GTF3C1: variants seen among roughly 807,000 people sequenced by gnomAD.
GTF3C1 encodes general transcription factor 3C polypeptide 1.
GTF3C1 carries 57 observed loss-of-function variants against 226.7 expected under a neutral mutation model. That is an observed-to-expected ratio of 0.25 (90% confidence interval 0.20 to 0.31). GTF3C1 has a LOEUF of 0.31. Among genes scored for constraint, GTF3C1 ranks in the 10% least tolerant of loss-of-function variants. The pLI is 1.00. For synonymous variants in GTF3C1, 1,090 were observed against 1,084.8 expected (o/e 1.00, Z -0.09); for missense variants, 2,217 against 2,776.1 (o/e 0.80, Z 4.53).
chr16:27,471,257 C>T lies in GTF3C1; in HGVS notation c.4526+491G>A, dbSNP rs967166973. On this transcript the variant is annotated intron_variant, in intron 30 of 36. Transcript: ENST00000356183. The surrounding 1 kb of genome is among the most constrained non-coding windows in gnomAD (Gnocchi z 5.0). ...TGGTCAGGAGGCTGGTGGTGCAACG[C>T]CCTCTGCGGCATGAAGCCACACTGC... 6.6e-6 allele frequency among the ~76,000 whole-genome samples: 1 copy of T among 152,212 alleles called. No individual in the cohort carries two copies. Among genetic ancestry groups the T allele is most frequent in the Admixed American group, 6.5e-5 (1 of 15,288 alleles).
At chr16:27,508,006 T>C (rs1162459674) in intron 8 of GTF3C1, among the ~76,000 whole-genome samples, 1 of 152,262 alleles carries the variant, frequency 6.6e-6, no homozygotes, top group Non-Finnish European at 1.5e-5. Context: ...CCACATCACC[T>C]TCTGACTACT....
At chr16:27,475,159 G>C (rs1211673704) in intron 29 of GTF3C1, among the ~76,000 whole-genome samples, 2 of 152,206 alleles carry the variant, frequency 1.3e-5, no homozygotes, top group African/African-American at 4.8e-5. Context: ...GTTTCTGCAA[G>C]GGTGGCCCAT....
At chr16:27,542,165 C>T (rs968103612) in intron 2 of GTF3C1, among the ~76,000 whole-genome samples, 1 of 152,134 alleles carries the variant, frequency 6.6e-6, no homozygotes, top group Non-Finnish European at 1.5e-5. Context: ...ATGGCTTGTA[C>T]AGCCACGTGC....
Position 27,461,230 on chromosome 16 carries a change from C to A in GTF3C1, c.*120G>T. The A allele has an allele frequency of 3.1e-6, 2 of 650,716 alleles. No homozygotes were observed. Among genetic ancestry groups the A allele is most frequent in the South Asian group, 1.9e-5 (1 of 53,620 alleles). 40.3% of individuals were successfully genotyped at this position (650,716 alleles called of 1,614,324 possible). A position where few individuals can be genotyped will look rare whatever the true frequency, so the allele number is the denominator to read the frequency against. ...AGTCTGTGACTCTGGCCAAAGCACC[C>A]GTCCCCTGCTGCAGGAGGCTCGGCA... On this transcript the variant is annotated 3_prime_UTR_variant, in exon 37 of 37. Coordinates refer to ENST00000356183, the MANE Select transcript of GTF3C1 (RefSeq NM_001520.4). This position sits in a 1 kb window ranked among gnomAD's most constrained non-coding sequence, Gnocchi z 5.3.
chr16:27,463,933 C>T lies in GTF3C1; in HGVS notation c.5873-341G>A, dbSNP rs2087742737. The stretch of plus-strand genomic sequence containing the variant: ...AAACACCCCAAAGAAAACAAAAACG[C>T]CCAGAGAAGCCACATGAGAAGGCCG... On this transcript the variant is annotated intron_variant, in intron 34 of 36. Coordinates refer to ENST00000356183, the MANE Select transcript of GTF3C1 (RefSeq NM_001520.4). The surrounding 1 kb of genome is among the most constrained non-coding windows in gnomAD (Gnocchi z 4.9). The T allele has an allele frequency of 2.4e-6, 1 of 418,306 alleles. No individual in the cohort carries two copies. The highest frequency in any genetic ancestry group is 4.2e-6 in the Non-Finnish European group (1 of 236,894). 25.9% of individuals were successfully genotyped at this position (418,306 alleles called of 1,614,324 possible). A position where few individuals can be genotyped will look rare whatever the true frequency, so the allele number is the denominator to read the frequency against.
At chr16:27,535,348 G>C (rs1344687035) in intron 4 of GTF3C1, among the ~76,000 whole-genome samples, 1 of 152,106 alleles carries the variant, frequency 6.6e-6, no homozygotes, top group Non-Finnish European at 1.5e-5. Flanking sequence ...CGAGGTGGGC[G>C]TATCACCTGA....
At position 27,463,518 on chromosome 16, in the gene GTF3C1, C is replaced by T. The variant is rs779108176; in HGVS notation, c.5924+23G>A. 3.2e-5 allele frequency: 48 copies of T among 1,481,674 alleles called. No homozygotes were observed. The highest frequency in any genetic ancestry group is 5.0e-5 in the Admixed American group (3 of 59,578). The allele number at this position is 1,481,674 out of a possible 1,614,324, so 91.8% of individuals were successfully genotyped here. ...CTGTCAAGAGCCCCGCCCCAGGCCC[C>T]GGAGCCAGAACCCCACACCCACCTT... On this transcript the variant is annotated intron_variant, in intron 35 of 36. Transcript: ENST00000356183. The surrounding 1 kb of genome is among the most constrained non-coding windows in gnomAD (Gnocchi z 4.9).
At position 27,471,555 on chromosome 16, in the gene GTF3C1, C is replaced by A; in HGVS notation, c.4526+193G>T. 1 of 539,318 alleles carries A rather than the reference C, an allele frequency of 1.9e-6. No individual in the cohort carries two copies. The highest frequency in any genetic ancestry group is 3.3e-6 in the Non-Finnish European group (1 of 302,556). The allele number at this position is 539,318 out of a possible 1,614,324, so 33.4% of individuals were successfully genotyped here. ...AACGCCGCCAACACAAAGAAGCTGC[C>A]AGCGCTCACCTGATCCCCATACCAC... On this transcript the variant is annotated intron_variant, in intron 30 of 36. Transcript: ENST00000356183. The surrounding 1 kb of genome is among the most constrained non-coding windows in gnomAD (Gnocchi z 5.0).
rs1391311022 is a variant in GTF3C1 at position 27,482,922 on chromosome 16, G to C, written c.4083+122C>G. On this transcript the variant is annotated intron_variant, in intron 26 of 36. Coordinates refer to ENST00000356183, the MANE Select transcript of GTF3C1 (RefSeq NM_001520.4). Reference sequence around the variant, plus strand: ...GCTGACTCGGTGATTTCTCAAGTGAGCAGGAAACAAAGTCCACGTTCCTAA... The same window carrying C: ...GCTGACTCGGTGATTTCTCAAGTGACCAGGAAACAAAGTCCACGTTCCTAA... The C allele has an allele frequency of 1.4e-5, 11 of 770,232 alleles. No individual in the cohort carries two copies. The African/African-American group carries it at 1.7e-4, about 12-fold the overall frequency. The allele number at this position is 770,232 out of a possible 1,614,324, so 47.7% of individuals were successfully genotyped here.
intron 2 of GTF3C1, among the ~76,000 whole-genome samples, chr16:27,540,114 C>A (rs2089060648): frequency 6.6e-6 from 1 of 152,146 alleles, no homozygotes; most frequent in Non-Finnish European, 1.5e-5. Flanking sequence ...TGACAGTTTT[C>A]CTTCCCTCTT....
chr16:27,524,090 A>G (rs1056718452), intron 6 of GTF3C1, among the ~76,000 whole-genome samples: 1 of 152,230 alleles, frequency 6.6e-6, no homozygotes, highest in African/African-American at 2.4e-5. Flanking sequence ...GCATGAACTT[A>G]CTTTCAAGGG....
At chr16:27,494,420 A>C (rs1405606994) in intron 16 of GTF3C1, among the ~76,000 whole-genome samples, 2 of 151,766 alleles carry the variant, frequency 1.3e-5, no homozygotes, top group African/African-American at 2.4e-5. Context: ...AAACAAAAAA[A>C]AAAAACAAAA....
chr16:27,542,632 T>C (rs2141461843), intron 2 of GTF3C1, among the ~76,000 whole-genome samples: 1 of 151,818 alleles, frequency 6.6e-6, no homozygotes, highest in African/African-American at 2.4e-5. Flanking sequence ...GTAGAAGGTG[T>C]TTGGGTAGTG....
At chr16:27,521,170 A>G (rs979041795) in intron 6 of GTF3C1, among the ~76,000 whole-genome samples, 8 of 152,234 alleles carry the variant, frequency 5.3e-5, no homozygotes, top group Admixed American at 2.0e-4. Context: ...CAGTCCCTGC[A>G]CTGGCCCCAT....
rs147889421 is a variant in GTF3C1 at position 27,497,909 on chromosome 16, G to A, written c.2166-88C>T. ...AGTCTGTCTGCATGAATCAGATACA[G>A]CCTCTTGGCCTGGGGGTTTCAAATT... is the stretch of plus-strand genomic sequence containing the variant. On this transcript the variant is annotated intron_variant, in intron 13 of 36. Transcript: ENST00000356183. 4.4e-4 allele frequency: 472 copies of A among 1,073,272 alleles called. 2 individuals are homozygous for A. The African/African-American group carries it at 6.9e-3, about 16-fold the overall frequency. The allele number at this position is 1,073,272 out of a possible 1,614,324, so 66.5% of individuals were successfully genotyped here. A position where few individuals can be genotyped will look rare whatever the true frequency, so the allele number is the denominator to read the frequency against.
In GTF3C1 at chr16:27,492,015, G is replaced by A. The variant is rs1318245669; in HGVS notation, c.3151+323C>T. On this transcript the variant is annotated intron_variant, in intron 19 of 36. Coordinates refer to ENST00000356183, the MANE Select transcript of GTF3C1 (RefSeq NM_001520.4). The surrounding 1 kb of genome is among the most constrained non-coding windows in gnomAD (Gnocchi z 5.0). The stretch of plus-strand genomic sequence containing the variant: ...ATTTTGAGTCTCACGAAGGCAGGGC[G>A]GGCTGTGTTCTCATTGTGGCACTGT... Among the ~76,000 whole-genome samples the A allele has an allele frequency of 6.6e-6, 1 of 152,170 alleles. No individual in the cohort carries two copies. Among genetic ancestry groups the A allele is most frequent in the East Asian group, 1.9e-4 (1 of 5,194 alleles).
Position 27,469,549 on chromosome 16 carries a change from A to G in GTF3C1, c.4816T>C (p.Leu1606=). Residue 1606 remains leucine (L), a splice_region_variant and synonymous_variant, in exon 32 of 37, where the codon TTG becomes CTG. Coordinates refer to ENST00000356183, the MANE Select transcript of GTF3C1 (RefSeq NM_001520.4). This position sits in a 1 kb window ranked among gnomAD's most constrained non-coding sequence, Gnocchi z 4.5. The stretch of plus-strand genomic sequence containing the variant: ...TCCTCCAGGCTGCCGTCCTTCCCCA[A>G]GCTAGAAGGGAATTGTGACCTGGAT... ...SMVENEVIKS[L]GKDGSLEDDE... 6.2e-7 allele frequency: 1 copy of G among 1,608,138 alleles called. No individual in the cohort carries two copies. The highest frequency in any genetic ancestry group is 1.1e-5 in the South Asian group (1 of 90,868).
At chr16:27,474,799 G>A (rs1228749122) in intron 29 of GTF3C1, among the ~76,000 whole-genome samples, 2 of 152,198 alleles carry the variant, frequency 1.3e-5, no homozygotes, top group East Asian at 3.9e-4. Flanking sequence ...TTGACCGTAT[G>A]TGTAAAACAG....
rs752200562 is a variant in GTF3C1 at position 27,462,252 on chromosome 16, C to T, written c.6117+42G>A. On this transcript the variant is annotated intron_variant, in intron 36 of 36. Transcript: ENST00000356183. The surrounding 1 kb of genome is among the most constrained non-coding windows in gnomAD (Gnocchi z 4.5). Reference sequence around the variant, plus strand: ...TCACAGCCGGGCCACTGAGTGCACCCAGCCGCCTCCACACCCTGCTGAACC... The same window carrying T: ...TCACAGCCGGGCCACTGAGTGCACCTAGCCGCCTCCACACCCTGCTGAACC... The T allele has an allele frequency of 3.4e-6, 5 of 1,457,558 alleles. No homozygotes were observed. In the African/African-American group the frequency reaches 4.2e-5, roughly 12 times the overall value. The allele number at this position is 1,457,558 out of a possible 1,614,324, so 90.3% of individuals were successfully genotyped here. A position where few individuals can be genotyped will look rare whatever the true frequency, so the allele number is the denominator to read the frequency against.
Sources: allele counts gnomAD v4.1 joint callset (sites outside exome capture counted in the v4.1 genomes callset), GRCh38; gene constraint gnomAD v4.1.1; non-coding constraint Gnocchi (gnomAD v3.1); transcripts MANE v1.5; gene names NCBI Gene and HGNC (gene_info 2026-07-23, HGNC 2026-07-21).